Variants in DLG2 observed in about 807,000 individuals in gnomAD.
DLG2 encodes the protein discs large MAGUK scaffold protein 2, also known as disks large homolog 2.
A neutral mutation model predicts 132.5 loss-of-function variants in DLG2; 45 were observed. The ratio of observed to expected loss-of-function variants is 0.34; its 90% CI spans 0.27 to 0.44. The LOEUF (loss-of-function observed/expected upper bound fraction) is 0.44, where lower values mean the gene tolerates loss of function less well. Among genes scored for constraint, DLG2 ranks in the 20% least tolerant of loss-of-function variants. The pLI is 1.00. For missense variants in DLG2, 1,045 were observed against 1,196.9 expected (o/e 0.87, Z 1.87); for synonymous variants, 424 against 419.6 (o/e 1.01, Z -0.13).
chr11:83,525,599 G>A (rs2095587298), intron 21 of DLG2, among the ~76,000 whole-genome samples: 1 of 152,160 alleles, frequency 6.6e-6, no homozygotes, highest in African/African-American at 2.4e-5. Context: ...AGACATCAAA[G>A]AGTAGCCTCT....
chr11:85,613,585 G>C (rs2081149230), intron 2 of DLG2, among the ~76,000 whole-genome samples: 1 of 152,174 alleles, frequency 6.6e-6, no homozygotes, highest in Admixed American at 6.5e-5. Flanking sequence ...GATTGTAAAT[G>C]CACCAATCTG....
intron 6 of DLG2, among the ~76,000 whole-genome samples, chr11:84,591,044 T>C (rs1444194469): frequency 1.3e-5 from 2 of 152,164 alleles, no homozygotes; most frequent in Non-Finnish European, 2.9e-5. Context: ...CAAAAGTTTC[T>C]AGTATGAAGG....
At chr11:83,772,485 G>T (rs1436935802) in intron 18 of DLG2, among the ~76,000 whole-genome samples, 1 of 139,822 alleles carries the variant, frequency 7.2e-6, no homozygotes, top group Admixed American at 7.4e-5. Context: ...AGGAAGGAAG[G>T]AAGGAGAAGG....
chr11:84,932,157 A>C (rs1007018486), intron 6 of DLG2, among the ~76,000 whole-genome samples: 8 of 152,116 alleles, frequency 5.3e-5, no homozygotes, highest in Admixed American at 5.2e-4. Flanking sequence ...CTTTTGTTGC[A>C]ATTGCTTTTG....
At chr11:84,483,802 C>T (rs1331239868) in intron 7 of DLG2, among the ~76,000 whole-genome samples, 4 of 152,174 alleles carry the variant, frequency 2.6e-5, no homozygotes, top group Admixed American at 1.3e-4. Context: ...GACCTGAATG[C>T]CGCCTAATTG....
intron 21 of DLG2, among the ~76,000 whole-genome samples, chr11:83,508,412 T>TTTTTTC: frequency 7.4e-6 from 1 of 136,048 alleles, no homozygotes; most frequent in Non-Finnish European, 1.6e-5. Context: ...AATTTTTTTT[T>TTTTTTC]TTTTTTTTTT....
intron 12 of DLG2, among the ~76,000 whole-genome samples, chr11:83,969,765 G>A (rs1413205930): frequency 1.3e-5 from 2 of 151,996 alleles, no homozygotes; most frequent in Non-Finnish European, 2.9e-5. Flanking sequence ...CAGACACAGG[G>A]TTTCACCATG....
chr11:85,601,407 C>G (rs928801222), intron 2 of DLG2, among the ~76,000 whole-genome samples: 5 of 151,590 alleles, frequency 3.3e-5, no homozygotes, highest in African/African-American at 7.3e-5. Flanking sequence ...GTGGCGTGAT[C>G]TCGGCTCACT....
At chr11:85,002,209 C>A (rs767625129) in intron 6 of DLG2, among the ~76,000 whole-genome samples, 1 of 152,056 alleles carries the variant, frequency 6.6e-6, no homozygotes, top group African/African-American at 2.4e-5. Flanking sequence ...TTTTGAGAAG[C>A]TATAATTTCC....
intron 14 of DLG2, among the ~76,000 whole-genome samples, chr11:83,955,613 T>C (rs376138405): frequency 1.3e-5 from 2 of 152,206 alleles, no homozygotes; most frequent in East Asian, 1.9e-4. Flanking sequence ...AAACTACCTA[T>C]GGCCTGTCCT....
chr11:84,353,906 A>G (rs534283348), intron 7 of DLG2, among the ~76,000 whole-genome samples: 18 of 151,704 alleles, frequency 1.2e-4, no homozygotes, highest in Admixed American at 5.3e-4. Flanking sequence ...ATCTTCCTCA[A>G]CCTCCCTGAT....
intron 7 of DLG2, among the ~76,000 whole-genome samples, chr11:84,450,140 G>C (rs542054749): frequency 1.7e-4 from 26 of 151,902 alleles, no homozygotes; most frequent in African/African-American, 6.0e-4. Flanking sequence ...CATTTGCCTA[G>C]AGGAATTAAG....
At chr11:85,316,885 A>G (rs1176751938) in intron 3 of DLG2, among the ~76,000 whole-genome samples, 1 of 151,992 alleles carries the variant, frequency 6.6e-6, no homozygotes, top group Non-Finnish European at 1.5e-5. Context: ...TAGAATCTAC[A>G]GTCTTATGGG....
At chr11:85,304,325 G>A (rs900089276) in intron 3 of DLG2, among the ~76,000 whole-genome samples, 3 of 152,152 alleles carry the variant, frequency 2.0e-5, no homozygotes, top group African/African-American at 7.2e-5. Flanking sequence ...CAGTTTCCAT[G>A]AAGAGATTGG....
chr11:84,087,907 C>G (rs1296788552), intron 10 of DLG2, among the ~76,000 whole-genome samples: 1 of 152,086 alleles, frequency 6.6e-6, no homozygotes, highest in African/African-American at 2.4e-5. Flanking sequence ...TTTTAAGTCA[C>G]TAAGTTTGTA....
At chr11:85,390,504 T>G (rs570995265) in intron 3 of DLG2, among the ~76,000 whole-genome samples, 71 of 151,922 alleles carry the variant, frequency 4.7e-4, no homozygotes, top group African/African-American at 1.3e-3. Context: ...ACAAACAGAC[T>G]TAACAGATAT....
intron 7 of DLG2, among the ~76,000 whole-genome samples, chr11:84,296,143 A>G (rs1406476733): frequency 6.6e-6 from 1 of 152,200 alleles, no homozygotes; most frequent in African/African-American, 2.4e-5. Context: ...GTTTATTACT[A>G]TCTTAAAATC....
intron 15 of DLG2, among the ~76,000 whole-genome samples, chr11:83,875,527 T>C (rs972022496): frequency 7.2e-5 from 11 of 152,294 alleles, no homozygotes; most frequent in Non-Finnish European, 1.3e-4. Flanking sequence ...TAAGAATTCA[T>C]CTTGGAATCT....
At chr11:84,868,808 A>T (rs151292410) in intron 6 of DLG2, among the ~76,000 whole-genome samples, 2 of 152,332 alleles carry the variant, frequency 1.3e-5, no homozygotes, top group East Asian at 3.9e-4. Flanking sequence ...ACTTGATAAC[A>T]AAGTAAAATT....
Sources: allele counts gnomAD v4.1 joint callset (sites outside exome capture counted in the v4.1 genomes callset), GRCh38; gene constraint gnomAD v4.1.1; transcripts MANE v1.5; gene names NCBI Gene and HGNC (gene_info 2026-07-23, HGNC 2026-07-21).